TMEM87A: variants seen among roughly 807,000 people sequenced by gnomAD.
TMEM87A encodes Golgi-pH regulating cation channel.
In TMEM87A, 50 loss-of-function variants were observed where a neutral mutation model predicts 90.0. The ratio of observed to expected loss-of-function variants is 0.56; its 90% CI spans 0.44 to 0.70. The LOEUF (loss-of-function observed/expected upper bound fraction) is 0.70. Among genes scored for constraint, TMEM87A ranks in the 30% least tolerant of loss-of-function variants. TMEM87A has a pLI of 0.00. For missense variants in TMEM87A, 577 were observed against 660.5 expected (o/e 0.87, Z 1.39); for synonymous variants, 226 against 226.7 (o/e 1.00, Z 0.03).
rs1266333762 is a variant in TMEM87A at position 42,210,538 on chromosome 15, TA to T, written c.*1169del. Reference sequence around the variant, plus strand: ...AATGAGAAAAATACATTAATTTTGTTAAATTTTTTTATATTAAAAAGTGGCA... The same window carrying T: ...AATGAGAAAAATACATTAATTTTGTTAATTTTTTTATATTAAAAAGTGGCA... On this transcript the variant is annotated 3_prime_UTR_variant, in exon 20 of 20. Transcript: ENST00000389834. 1.3e-5 allele frequency: 2 copies of T among 152,268 alleles called. No individual in the cohort carries two copies. Among genetic ancestry groups the T allele is most frequent in the African/African-American group, 4.8e-5 (2 of 41,462 alleles). 9.4% of individuals were successfully genotyped at this position (152,268 alleles called of 1,614,324 possible).
At chr15:42,262,464 A>C (rs2140981552) in intron 4 of TMEM87A, among the ~76,000 whole-genome samples, 1 of 127,928 alleles carries the variant, frequency 7.8e-6, no homozygotes, top group East Asian at 2.3e-4. Context: ...TTTGAGACCA[A>C]GTTTCACTCT....
intron 15 of TMEM87A, among the ~76,000 whole-genome samples, 194 bp from the exon 16 acceptor site, chr15:42,220,329 T>A (rs1224040061): frequency 6.6e-6 from 1 of 152,256 alleles, no homozygotes; most frequent in African/African-American, 2.4e-5. Context: ...GACAGTATCA[T>A]ATTTATGAGT....
chr15:42,271,986 A>G, intron 2 of TMEM87A, 77 bp downstream of exon 2: 1 of 1,207,966 alleles, frequency 8.3e-7, no homozygotes, highest in Non-Finnish European at 1.2e-6. Context: ...TTCAGAACTT[A>G]TAAAATAGGT....
chr15:42,234,579 T>C (rs998181083), intron 10 of TMEM87A, among the ~76,000 whole-genome samples: 1 of 152,226 alleles, frequency 6.6e-6, no homozygotes, highest in South Asian at 2.1e-4. Context: ...ACTCCTTTAA[T>C]TGAATAAACA....
chr15:42,272,664 G>T (rs555805286), intron 1 of TMEM87A: 232 of 302,458 alleles, frequency 7.7e-4, no homozygotes, highest in African/African-American at 4.7e-3. Flanking sequence ...CCAAATGAAA[G>T]ACTAGCCTTA....
chr15:42,256,711 A>T (rs2051190931), intron 6 of TMEM87A, among the ~76,000 whole-genome samples: 1 of 152,082 alleles, frequency 6.6e-6, no homozygotes, highest in African/African-American at 2.4e-5. Context: ...CACCCTCAAC[A>T]ATAATTTTTT....
At chr15:42,239,797 T>C (rs2050837862) in intron 7 of TMEM87A, 66 bp from the exon 8 acceptor site, 1 of 1,359,740 alleles carries the variant, frequency 7.4e-7, no homozygotes, top group African/African-American at 1.4e-5. Flanking sequence ...TATTGCCTAA[T>C]ATTTGTTTAA....
chr15:42,247,139 GTTGA>G (rs1195295089), intron 6 of TMEM87A, among the ~76,000 whole-genome samples: 1 of 152,076 alleles, frequency 6.6e-6, no homozygotes, highest in Non-Finnish European at 1.5e-5. Flanking sequence ...TTTTGATGGG[GTTGA>G]TTTTTTCTTG....
At position 42,227,010 on chromosome 15, in the gene TMEM87A, A is replaced by G; in HGVS notation, c.1300-101T>C. 3 of 1,139,994 alleles carry G rather than the reference A, an allele frequency of 2.6e-6. 1 individual carries two copies. The South Asian group carries it at 4.1e-5, about 16-fold the overall frequency. 70.6% of individuals were successfully genotyped at this position (1,139,994 alleles called of 1,614,324 possible). The stretch of plus-strand genomic sequence containing the variant: ...CAAAAATCACTTATTTGTTCATTCA[A>G]GTTATGTTTACTAAGAGCCTGCTAC... On this transcript the variant is annotated intron_variant, in intron 14 of 19. Coordinates refer to ENST00000389834, the MANE Select transcript of TMEM87A (RefSeq NM_015497.5).
chr15:42,240,327 T>C (rs989729847), intron 7 of TMEM87A, among the ~76,000 whole-genome samples: 4 of 152,114 alleles, frequency 2.6e-5, no homozygotes, highest in South Asian at 2.1e-4. Flanking sequence ...AAATATACCA[T>C]CCCTCATACA....
chr15:42,231,399 C>T (rs1272475792), intron 11 of TMEM87A, 139 bp from the exon 12 acceptor site: 6 of 576,130 alleles, frequency 1.0e-5, no homozygotes, highest in African/African-American at 2.0e-5. Context: ...GAACATTTGA[C>T]ACCTAATCAT....
intron 6 of TMEM87A, among the ~76,000 whole-genome samples, chr15:42,248,217 G>A (rs1437907035): frequency 6.6e-6 from 1 of 152,058 alleles, no homozygotes; most frequent in Non-Finnish European, 1.5e-5. Flanking sequence ...ATACAATCAT[G>A]TCATCTGCAA....
chr15:42,236,341 C>T lies in TMEM87A; in HGVS notation c.947G>A (p.Ser316Asn). The T allele has an allele frequency of 6.2e-7, 1 of 1,614,086 alleles. No homozygotes were observed. Among genetic ancestry groups the T allele is most frequent in the East Asian group, 2.2e-5 (1 of 44,884 alleles). ...SLARTLVIIVSLGYGIVKPRL... is the reference protein window; with the variant it reads ...SLARTLVIIVNLGYGIVKPRL... ...TTACTTGACGATGCCATATCCCAGACTGACTATGATGACCAGGGTTCGAGC... is the reference window on the plus strand; with the variant it reads ...TTACTTGACGATGCCATATCCCAGATTGACTATGATGACCAGGGTTCGAGC... The change falls in exon 10 of 20, where the codon AGT (serine) becomes AAT (asparagine). Residue 316 changes from serine to asparagine, a missense_variant. Transcript: ENST00000389834.
chr15:42,252,861 T>A (rs982079855), intron 6 of TMEM87A, among the ~76,000 whole-genome samples: 1 of 152,252 alleles, frequency 6.6e-6, no homozygotes, highest in African/African-American at 2.4e-5. Context: ...GCATGCCTCA[T>A]AATTTTCCAC....
intron 8 of TMEM87A, among the ~76,000 whole-genome samples, chr15:42,238,055 T>C (rs1404720303): frequency 2.6e-5 from 4 of 152,058 alleles, no homozygotes; most frequent in South Asian, 4.1e-4. Context: ...ATCACATATG[T>C]ATACCATATA....
intron 9 of TMEM87A, among the ~76,000 whole-genome samples, chr15:42,237,023 A>G (rs981425303): frequency 3.3e-5 from 5 of 152,214 alleles, no homozygotes; most frequent in Non-Finnish European, 5.9e-5. Context: ...ATATGACTAT[A>G]TTTTATCAGT....
rs369694782 is a variant in TMEM87A, at chr15:42,218,401, C to T, written c.1540-23G>A. 142 of 1,611,758 alleles carry T rather than the reference C, an allele frequency of 8.8e-5. No homozygotes were observed. In the African/African-American group the frequency reaches 1.7e-3, roughly 19 times the overall value. ...CTGCTGGGAACATACAAATACCACT[C>T]ATTACTAAAATGCACCACATAATAC... is the stretch of plus-strand genomic sequence containing the variant. On this transcript the variant is annotated intron_variant, in intron 17 of 19. Coordinates refer to ENST00000389834, the MANE Select transcript of TMEM87A (RefSeq NM_015497.5).
chr15:42,265,931 C>A (rs1264779535), intron 3 of TMEM87A, among the ~76,000 whole-genome samples: 1 of 152,282 alleles, frequency 6.6e-6, no homozygotes, highest in Non-Finnish European at 1.5e-5. Context: ...CTGCATATGG[C>A]CAGCACGCTA....
chr15:42,234,516 A>G (rs894031292), intron 10 of TMEM87A, among the ~76,000 whole-genome samples: 1 of 152,230 alleles, frequency 6.6e-6, no homozygotes, highest in Non-Finnish European at 1.5e-5. Context: ...TTGTTAAATA[A>G]ATAAGTTTTA....
Sources: allele counts gnomAD v4.1 joint callset (sites outside exome capture counted in the v4.1 genomes callset), GRCh38; gene constraint gnomAD v4.1.1; transcripts MANE v1.5; gene names NCBI Gene and HGNC (gene_info 2026-07-23, HGNC 2026-07-21).